ANKRD11: variants seen among roughly 807,000 people sequenced by gnomAD.
ANKRD11 encodes the protein ankyrin repeat domain 11, also known as ankyrin repeat domain-containing protein 11.
ANKRD11 carries 17 observed loss-of-function variants against 195.7 expected under a neutral mutation model. The observed-to-expected ratio is 0.09, with a 90% CI of 0.06 to 0.13. The LOEUF (loss-of-function observed/expected upper bound fraction) is 0.13. ANKRD11 is among the 10% of genes least tolerant of loss of function. The probability of loss-of-function intolerance (pLI) is 1.00; values close to 1 mark genes in which losing one functional copy is unlikely to be tolerated. For missense variants in ANKRD11, 3,735 were observed against 3,566.1 expected, an observed-to-expected ratio of 1.05 and a Z score of -1.21; for synonymous variants, 1,953 against 1,528.1, an observed-to-expected ratio of 1.28 and a Z score of -6.49.
At chr16:89,482,716 C>G (rs2057482682) in intron 1 of ANKRD11, among the ~76,000 whole-genome samples, 2 of 152,198 alleles carry the variant, frequency 1.3e-5, no homozygotes, top group Admixed American at 1.3e-4. Flanking sequence ...TGATTGAGCC[C>G]AGGAGGTCGA....
intron 9 of ANKRD11, among the ~76,000 whole-genome samples, chr16:89,277,023 T>C (rs1386097504): frequency 6.8e-6 from 1 of 147,976 alleles, no homozygotes; most frequent in Non-Finnish European, 1.5e-5. Context: ...GCCACTGCAC[T>C]CCAGCCTGGG....
rs1395277341 is a variant in ANKRD11 at position 89,268,243 on chromosome 16, G to GA, written c.*234dup. 3.6e-6 allele frequency: 1 copy of GA among 274,228 alleles called. No homozygotes were observed. Among genetic ancestry groups the GA allele is most frequent in the Non-Finnish European group, 6.5e-6 (1 of 154,380 alleles). 17.0% of individuals were successfully genotyped at this position (274,228 alleles called of 1,614,324 possible). A position where few individuals can be genotyped will look rare whatever the true frequency, so the allele number is the denominator to read the frequency against. ...GTCTCCTCATCCCGCCGGGGCCAGTGAGGCTCTGGGGGCTTTGCCCCCGCC... is the reference window on the plus strand; with the variant it reads ...GTCTCCTCATCCCGCCGGGGCCAGTGAAGGCTCTGGGGGCTTTGCCCCCGCC... On this transcript the variant is annotated 3_prime_UTR_variant, in exon 13 of 13. Transcript: ENST00000301030.
rs1597438053 is a variant in ANKRD11 at position 89,280,040 on chromosome 16, G to A, written c.6502C>T (p.Pro2168Ser). 2 of 1,612,884 alleles carry A rather than the reference G, an allele frequency of 1.2e-6. No homozygotes were observed. The highest frequency in any genetic ancestry group is 1.7e-6 in the Non-Finnish European group (2 of 1,179,964). The stretch of plus-strand genomic sequence containing the variant: ...CCGTTTATGACCCCGGGGGCCCCTG[G>A]AGGCATCTCTTCTGGAGGAGCAAGA... ...ESLAPPEEMP[P>S]GAPGVINGGD... Residue 2168 changes from proline (P) to serine (S), a missense_variant, in exon 9 of 13, where the codon CCA (proline) becomes TCA (serine). Transcript: ENST00000301030.
Position 89,404,499 on chromosome 16 carries a change from C to T in ANKRD11, c.-60+13785G>A, listed in dbSNP as rs190832591. On this transcript the variant is annotated intron_variant, in intron 2 of 12. Coordinates refer to ENST00000301030, the MANE Select transcript of ANKRD11 (RefSeq NM_013275.6). ...ATTATTTTGTTATTCTGGTGTCCTCCAGAAAATGAGCCAACAGTTTGAAGG... is the reference window on the plus strand; with the variant it reads ...ATTATTTTGTTATTCTGGTGTCCTCTAGAAAATGAGCCAACAGTTTGAAGG... Among the ~76,000 whole-genome samples the T allele has an allele frequency of 5.2e-4, 79 of 152,288 alleles. 1 individual carries two copies. In the East Asian group the frequency reaches 0.014, roughly 28 times the overall value.
chr16:89,360,701 T>G (rs1186359369), intron 2 of ANKRD11: 1 of 152,222 alleles, frequency 6.6e-6, no homozygotes, highest in Non-Finnish European at 1.5e-5. Context: ...CTGTCATACG[T>G]GGACTCCCTT....
rs527397977 is a variant in ANKRD11 at position 89,384,925 on chromosome 16, G to A, written c.-60+33359C>T. ...TTTTTTTTGAGACTACGTTTCTGTC[G>A]CCCAGGCTGGAGTGCAGTGGCACAA... On this transcript the variant is annotated intron_variant, in intron 2 of 12. Coordinates refer to ENST00000301030, the MANE Select transcript of ANKRD11 (RefSeq NM_013275.6). 2.1e-3 allele frequency among the ~76,000 whole-genome samples: 171 copies of A among 81,762 alleles called. 1 individual carries two copies. Among genetic ancestry groups the A allele is most frequent in the Non-Finnish European group, 1.7e-3 (75 of 44,542 alleles). The allele number at this position is 81,762 out of a possible 152,430, so 53.6% of individuals were successfully genotyped here.
In ANKRD11 at chr16:89,282,651, G is replaced by A. The variant is rs762711506; in HGVS notation, c.3891C>T (p.Asn1297=). 2.4e-5 allele frequency: 39 copies of A among 1,613,902 alleles called. No homozygotes were observed. Among genetic ancestry groups the A allele is most frequent in the Admixed American group, 3.3e-5 (2 of 60,000 alleles). The change falls in exon 9 of 13, where the codon AAC becomes AAT. Residue 1297 remains asparagine (N), a synonymous_variant. Transcript: ENST00000301030. ...EALHEYREDS[N]DKISEVSSDS... The stretch of plus-strand genomic sequence containing the variant: ...CAGAGGAGACCTCGCTGATTTTATC[G>A]TTGGAGTCTTCTCTGTACTCATGGA...
chr16:89,351,476 T>C (rs980219391), intron 2 of ANKRD11, among the ~76,000 whole-genome samples: 58 of 152,194 alleles, frequency 3.8e-4, no homozygotes, highest in Non-Finnish European at 3.1e-4. Flanking sequence ...AAATAACTGA[T>C]TCTCATTTCA....
At chr16:89,442,222 C>T (rs1170780033) in intron 1 of ANKRD11, among the ~76,000 whole-genome samples, 1 of 152,224 alleles carries the variant, frequency 6.6e-6, no homozygotes, top group Non-Finnish European at 1.5e-5. Context: ...GGTGCCAGTG[C>T]TTTGGAGAAC....
intron 1 of ANKRD11, among the ~76,000 whole-genome samples, chr16:89,463,263 C>A (rs1198390499): frequency 6.6e-6 from 1 of 152,124 alleles, no homozygotes; most frequent in Non-Finnish European, 1.5e-5. Context: ...ATTGAGAAAT[C>A]GGATGGTTGC....
At chr16:89,343,296 G>C (rs2038781206) in intron 2 of ANKRD11, among the ~76,000 whole-genome samples, 1 of 152,182 alleles carries the variant, frequency 6.6e-6, no homozygotes, top group Non-Finnish European at 1.5e-5. Flanking sequence ...CTGGGCCTGA[G>C]CGCATTTTTT....
In ANKRD11 at chr16:89,325,981, C is replaced by T. The variant is rs543890209; in HGVS notation, c.-59-8903G>A. On this transcript the variant is annotated intron_variant, in intron 2 of 12. Transcript: ENST00000301030. ...GCCTAGCCATGCCCAATACACACTG[C>T]AGGGCACCCACTGCAGAGTGCAACA... is the stretch of plus-strand genomic sequence containing the variant. Among the ~76,000 whole-genome samples the T allele has an allele frequency of 8.5e-5, 13 of 152,334 alleles. No homozygotes were observed. The East Asian group carries it at 2.1e-3, about 25-fold the overall frequency.
chr16:89,384,879 CTTTTTTTTTT>C lies in ANKRD11; in HGVS notation c.-60+33395_-60+33404del, dbSNP rs869271846. Among the ~76,000 whole-genome samples the C allele has an allele frequency of 1.2e-3, 59 of 49,942 alleles. 2 individuals carry two copies. The East Asian group carries it at 0.014, about 12-fold the overall frequency. The allele number at this position is 49,942 out of a possible 152,430, so 32.8% of individuals were successfully genotyped here. ...GGAGCACACAATGAGAAATAGTTTT[CTTTTTTTTTT>C]TTTTTTTTTTTTTTTTTTGAGACTA... On this transcript the variant is annotated intron_variant, in intron 2 of 12. Coordinates refer to ENST00000301030, the MANE Select transcript of ANKRD11 (RefSeq NM_013275.6).
At chr16:89,278,861 G>A (rs1393733741) in intron 9 of ANKRD11, 6 of 822,090 alleles carry the variant, frequency 7.3e-6, no homozygotes, top group African/African-American at 1.7e-5. Context: ...CGGACCAGCT[G>A]GAGGAAGGAC....
intron 2 of ANKRD11, among the ~76,000 whole-genome samples, chr16:89,382,670 G>A (rs904414958): frequency 6.6e-6 from 1 of 150,596 alleles, no homozygotes; most frequent in Non-Finnish European, 1.5e-5. Flanking sequence ...CCAGTAGATG[G>A]GGTCTCACTA....
chr16:89,426,153 G>T (rs993592353), intron 1 of ANKRD11, among the ~76,000 whole-genome samples: 1 of 151,996 alleles, frequency 6.6e-6, no homozygotes, highest in African/African-American at 2.4e-5. Flanking sequence ...CGGATCCAGG[G>T]GAATGGCAAA....
intron 4 of ANKRD11, among the ~76,000 whole-genome samples, chr16:89,293,383 C>G (rs942365685): frequency 2.0e-5 from 3 of 150,948 alleles, no homozygotes; most frequent in African/African-American, 7.4e-5. Flanking sequence ...GGGGTGGACA[C>G]AGGGAGGAGC....
At chr16:89,408,004 T>C (rs1395965152) in intron 2 of ANKRD11, among the ~76,000 whole-genome samples, 3 of 152,152 alleles carry the variant, frequency 2.0e-5, no homozygotes, top group Non-Finnish European at 2.9e-5. Context: ...AAAATCACTG[T>C]GGTCACTCCC....
chr16:89,315,594 A>G (rs1020601575), intron 3 of ANKRD11, among the ~76,000 whole-genome samples: 1 of 152,196 alleles, frequency 6.6e-6, no homozygotes, highest in African/African-American at 2.4e-5. Context: ...GCTTCAGCTC[A>G]TCCTTCGCTG....
Sources: gnomAD v4.1 joint callset for allele counts (sites outside exome capture counted in the v4.1 genomes callset) on GRCh38, gnomAD v4.1.1 for gene constraint, MANE v1.5 for transcripts, NCBI Gene and HGNC (gene_info 2026-07-23, HGNC 2026-07-21) for gene names.